TXLNB: variants seen among roughly 807,000 people sequenced by gnomAD.
TXLNB encodes the protein taxilin beta.
A neutral mutation model predicts 57.4 loss-of-function variants in TXLNB; 37 were observed. That is an observed-to-expected ratio of 0.64 (90% confidence interval 0.50 to 0.85). The LOEUF (loss-of-function observed/expected upper bound fraction) is 0.85. Among genes scored for constraint, TXLNB ranks in the 40% least tolerant of loss-of-function variants. The pLI is 0.00. For synonymous variants in TXLNB, 302 were observed against 309.6 expected, an observed-to-expected ratio of 0.98 and a Z score of 0.26; for missense variants, 848 against 825.6, an observed-to-expected ratio of 1.03 and a Z score of -0.33.
chr6:139,198,691 C>T, the TXLNB span, among the ~76,000 whole-genome samples: 2 of 152,162 alleles, frequency 1.3e-5, no homozygotes, highest in Non-Finnish European at 2.9e-5. Flanking sequence ...ATTTTCCCCA[C>T]TCCCTGCTTG....
In TXLNB at chr6:139,243,217, T is replaced by G. The variant is rs769801360; in HGVS notation, c.1364A>C (p.His455Pro). The G allele has an allele frequency of 5.0e-6, 8 of 1,614,222 alleles. No individual in the cohort carries two copies. Among genetic ancestry groups the G allele is most frequent in the East Asian group, 4.5e-5 (2 of 44,882 alleles). Residue 455 changes from histidine (H) to proline (P), a missense_variant, in exon 10 of 10, where the codon CAC becomes CCC. Physicochemically the swap from His to Pro is moderately conservative, Grantham distance 77. Transcript: ENST00000358430. ...TATTTCTGCGTCTCTGATTTTTTTG[T>G]GGAGTTCGTTTCTCTCTTCTTGTAA... ...RALQEERNELHKKIRDAEISE... is the reference protein window; with the variant it reads ...RALQEERNELPKKIRDAEISE...
the TXLNB span, among the ~76,000 whole-genome samples, chr6:139,301,941 G>T: frequency 6.6e-6 from 1 of 151,980 alleles, no homozygotes; most frequent in African/African-American, 2.4e-5. Flanking sequence ...TATATTACAA[G>T]TCCTTAGAAT....
At chr6:139,239,664 T>C (rs1357402456), downstream of TXLNB, 1 of 152,160 alleles carries the variant, frequency 6.6e-6, no homozygotes, top group African/African-American at 2.4e-5. This position sits in a 1 kb window ranked among gnomAD's most constrained non-coding sequence, Gnocchi z 4.7. Flanking sequence ...GGCTAATTTT[T>C]TTAAAACATT....
chr6:139,165,034 A>G, the TXLNB span, among the ~76,000 whole-genome samples: 42 of 152,320 alleles, frequency 2.8e-4, no homozygotes, highest in South Asian at 8.5e-3. Flanking sequence ...CAGCAACAAC[A>G]TTAATGATCC....
Position 139,283,404 on chromosome 6 carries a change from C to T in TXLNB, c.424+5072G>A, listed in dbSNP as rs534787903. On this transcript the variant is annotated intron_variant, in intron 2 of 9. Coordinates refer to ENST00000358430, the MANE Select transcript of TXLNB (RefSeq NM_153235.4). ...CCAGCCTGACCAACATGGAGAAATC[C>T]TGTCTCTACTAAAAATACAAAATTA... 1.0e-4 allele frequency among the ~76,000 whole-genome samples: 15 copies of T among 144,362 alleles called. 2 individuals carry two copies. Among genetic ancestry groups the T allele is most frequent in the African/African-American group, 2.5e-4 (10 of 39,290 alleles). 94.7% of individuals were successfully genotyped at this position (144,362 alleles called of 152,430 possible). A position where few individuals can be genotyped will look rare whatever the true frequency, so the allele number is the denominator to read the frequency against.
chr6:139,203,709 T>C, the TXLNB span: 6 of 152,218 alleles, frequency 3.9e-5, no homozygotes, highest in African/African-American at 1.4e-4. Flanking sequence ...CCCATCAGTG[T>C]TTCCCCTCTT....
At chr6:139,250,599 T>G (rs1776180187) in intron 7 of TXLNB, among the ~76,000 whole-genome samples, 1 of 152,032 alleles carries the variant, frequency 6.6e-6, no homozygotes, top group Non-Finnish European at 1.5e-5. Context: ...CCCGGCCTCT[T>G]TTGTTAACTT....
chr6:139,211,621 C>T, the TXLNB span, among the ~76,000 whole-genome samples: 1 of 152,304 alleles, frequency 6.6e-6, no homozygotes, highest in East Asian at 1.9e-4. Context: ...CGGAACAAAG[C>T]TGGATGGAGA....
chr6:139,256,755 T>G (rs1453375626), intron 6 of TXLNB, among the ~76,000 whole-genome samples: 4 of 152,260 alleles, frequency 2.6e-5, no homozygotes, highest in African/African-American at 9.6e-5. Flanking sequence ...ACACAGAGCT[T>G]CTAACATGCA....
the TXLNB span, among the ~76,000 whole-genome samples, chr6:139,300,084 A>T: frequency 6.6e-6 from 1 of 151,902 alleles, no homozygotes; most frequent in Non-Finnish European, 1.5e-5. Flanking sequence ...CCCTTACGTG[A>T]GTGTCATGAA....
chr6:139,270,469 T>A lies in TXLNB; in HGVS notation c.674A>T (p.Asn225Ile), dbSNP rs752059304. ...ESLCRELQRH[N>I]KTLKEEALQR... Reference sequence around the variant, plus strand: ...ATGGGGACATACCTTCAGAGTCTTGTTGTGTCTCTGCAGCTCCCGGCACAG... The same window carrying A: ...ATGGGGACATACCTTCAGAGTCTTGATGTGTCTCTGCAGCTCCCGGCACAG... The change falls in exon 4 of 10, where the codon AAC (asparagine) becomes ATC (isoleucine). Residue 225 changes from asparagine to isoleucine, a missense_variant. Transcript: ENST00000358430. 1 of 1,613,900 alleles carries A rather than the reference T, an allele frequency of 6.2e-7. No individual in the cohort carries two copies. Among genetic ancestry groups the A allele is most frequent in the South Asian group, 1.1e-5 (1 of 91,018 alleles).
At chr6:139,256,152 AGTG>A (rs957842766) in intron 6 of TXLNB, among the ~76,000 whole-genome samples, 6 of 152,118 alleles carry the variant, frequency 3.9e-5, no homozygotes, top group African/African-American at 1.4e-4. Flanking sequence ...ACTATAAACT[AGTG>A]GTTTTAATAA....
rs183465919 is a variant in TXLNB at position 139,290,552 on chromosome 6, G to T, written c.-15+1369C>A. Reference sequence around the variant, plus strand: ...AAAACTTAATGATTTTTAAGAAGTAGCAATGTTTCATAAACAAGGAGGAGA... The same window carrying T: ...AAAACTTAATGATTTTTAAGAAGTATCAATGTTTCATAAACAAGGAGGAGA... On this transcript the variant is annotated intron_variant, in intron 1 of 9. Transcript: ENST00000358430. Among the ~76,000 whole-genome samples, 265 of 152,184 alleles carry T rather than the reference G, an allele frequency of 1.7e-3. 1 individual carries two copies. Among genetic ancestry groups the T allele is most frequent in the African/African-American group, 6.1e-3 (254 of 41,532 alleles).
Position 139,282,518 on chromosome 6 carries a change from A to G in TXLNB, c.425-5597T>C, listed in dbSNP as rs919550460. ...CTTGAACCTGGGAGGTGGAAGTTGC[A>G]GTGAGCTGAGATCGCACCACTGTAC... On this transcript the variant is annotated intron_variant, in intron 2 of 9. Coordinates refer to ENST00000358430, the MANE Select transcript of TXLNB (RefSeq NM_153235.4). 1.4e-5 allele frequency among the ~76,000 whole-genome samples: 2 copies of G among 145,506 alleles called. 1 individual carries two copies. Among genetic ancestry groups the G allele is most frequent in the Non-Finnish European group, 3.1e-5 (2 of 65,402 alleles).
chr6:139,251,422 C>A (rs1776202001), intron 7 of TXLNB: 1 of 152,230 alleles, frequency 6.6e-6, no homozygotes, highest in South Asian at 2.1e-4. Flanking sequence ...CTATGGATTT[C>A]TCAGATAACT....
At chr6:139,194,700 T>C in the TXLNB span, among the ~76,000 whole-genome samples, 1 of 152,208 alleles carries the variant, frequency 6.6e-6, no homozygotes, top group Non-Finnish European at 1.5e-5. Flanking sequence ...TCTCAATGTA[T>C]TTCCATCAAA....
chr6:139,183,596 A>G, the TXLNB span: 3 of 152,232 alleles, frequency 2.0e-5, no homozygotes, highest in African/African-American at 7.2e-5. Context: ...GAAAATGTCA[A>G]TTACAGCCAT....
At chr6:139,194,872 GT>G in the TXLNB span, among the ~76,000 whole-genome samples, 1 of 152,170 alleles carries the variant, frequency 6.6e-6, no homozygotes, top group African/African-American at 2.4e-5. Context: ...TCTCAGTGAG[GT>G]CTCCCTGCTA....
chr6:139,308,788 A>C, the TXLNB span, among the ~76,000 whole-genome samples: 4 of 152,232 alleles, frequency 2.6e-5, no homozygotes, highest in Admixed American at 1.3e-4. Context: ...GAGTCATGTT[A>C]AACAGGAATA....
Sources: gnomAD v4.1 joint callset for allele counts (sites outside exome capture counted in the v4.1 genomes callset) on GRCh38, gnomAD v4.1.1 for gene constraint, Gnocchi (gnomAD v3.1) non-coding constraint, MANE v1.5 for transcripts, NCBI Gene and HGNC (gene_info 2026-07-23, HGNC 2026-07-21) for gene names.